Variants in PLCB1 observed in about 807,000 individuals in gnomAD.
The protein encoded by PLCB1 is phospholipase C beta 1.
In PLCB1, 46 loss-of-function variants were observed where a neutral mutation model predicts 161.8. That is an observed-to-expected ratio of 0.28 (90% CI 0.22 to 0.36). The LOEUF (loss-of-function observed/expected upper bound fraction) is 0.36. PLCB1 is among the 10% of genes least tolerant of loss of function. The pLI is 1.00. For missense variants in PLCB1, 1,016 were observed against 1,472.5 expected (o/e 0.69, Z 5.07); for synonymous variants, 517 against 503.7 (o/e 1.03, Z -0.35).
chr20:8,544,254 CAGA>C (rs1317561516), intron 3 of PLCB1, among the ~76,000 whole-genome samples: 7 of 152,114 alleles, frequency 4.6e-5, no homozygotes, highest in East Asian at 1.9e-4. Flanking sequence ...CTCTCTAAGC[CAGA>C]AGAATAGTGG....
intron 31 of PLCB1, among the ~76,000 whole-genome samples, chr20:8,790,958 T>C (rs1442914286): frequency 6.6e-6 from 1 of 152,196 alleles, no homozygotes; most frequent in Non-Finnish European, 1.5e-5. Flanking sequence ...TTTTCAATTT[T>C]CCTGCGCTTC....
At chr20:8,546,332 A>G (rs1393642116) in intron 3 of PLCB1, among the ~76,000 whole-genome samples, 2 of 150,928 alleles carry the variant, frequency 1.3e-5, no homozygotes, top group African/African-American at 4.9e-5. Flanking sequence ...AAAAAAAAAA[A>G]AAAAAAGAAA....
chr20:8,133,101 C>T (rs1258275942), intron 1 of PLCB1, among the ~76,000 whole-genome samples: 1 of 152,112 alleles, frequency 6.6e-6, no homozygotes, highest in Non-Finnish European at 1.5e-5. Flanking sequence ...AACTGGAAAG[C>T]GCCTGGTGTG....
At chr20:8,294,806 C>T (rs6039128) in intron 2 of PLCB1, among the ~76,000 whole-genome samples, 1 of 151,720 alleles carries the variant, frequency 6.6e-6, no homozygotes, top group Non-Finnish European at 1.5e-5. Context: ...TGCCAAAAGC[C>T]TAGCACAAGT....
intron 2 of PLCB1, among the ~76,000 whole-genome samples, chr20:8,255,774 A>C (rs1246938583): frequency 6.6e-6 from 1 of 152,036 alleles, no homozygotes; most frequent in Non-Finnish European, 1.5e-5. Flanking sequence ...TAAATTGTCG[A>C]TATTCAAAAG....
chr20:8,365,085 G>T (rs927084459), intron 2 of PLCB1, among the ~76,000 whole-genome samples: 1 of 152,056 alleles, frequency 6.6e-6, no homozygotes, highest in Non-Finnish European at 1.5e-5. Context: ...TTCAGTACTC[G>T]CTGCTTGCTA....
intron 31 of PLCB1, among the ~76,000 whole-genome samples, chr20:8,830,254 A>G (rs1985918300): frequency 6.6e-6 from 1 of 152,230 alleles, no homozygotes. Context: ...AAAGAAGTCC[A>G]TTCCAATGAA....
intron 2 of PLCB1, among the ~76,000 whole-genome samples, chr20:8,346,191 A>T (rs1985995450): frequency 6.6e-6 from 1 of 152,218 alleles, no homozygotes; most frequent in Non-Finnish European, 1.5e-5. Flanking sequence ...TGACTAAACT[A>T]ATTTCAACCT....
At chr20:8,512,159 A>G (rs937764014) in intron 3 of PLCB1, among the ~76,000 whole-genome samples, 1 of 152,216 alleles carries the variant, frequency 6.6e-6, no homozygotes, top group African/African-American at 2.4e-5. Context: ...CATTAAAACA[A>G]TGATGTAGTT....
chr20:8,657,241 A>C lies in PLCB1; in HGVS notation c.652A>C (p.Asn218His). 6.2e-7 allele frequency: 1 copy of C among 1,610,248 alleles called. No individual in the cohort carries two copies. The part of the protein sequence containing the change: ...TPEVYRVFLN[N>H]LCPRPEIDNI... Reference sequence around the variant, plus strand: ...AGAAGTGTACAGAGTTTTCCTCAACAACCTTTGCCCTCGACCTGAAATTGA... The same window carrying C: ...AGAAGTGTACAGAGTTTTCCTCAACCACCTTTGCCCTCGACCTGAAATTGA... Residue 218 changes from asparagine to histidine, a missense_variant, in exon 8 of 32, where the codon AAC becomes CAC. By Grantham distance (68) the Asn-to-His change is moderately conservative (BLOSUM62 1). Transcript: ENST00000338037.
At chr20:8,702,825 C>T (rs1012324926) in intron 11 of PLCB1, among the ~76,000 whole-genome samples, 2 of 152,190 alleles carry the variant, frequency 1.3e-5, no homozygotes, top group African/African-American at 4.8e-5. Flanking sequence ...TAACTGATCA[C>T]GCACACCATA....
intron 3 of PLCB1, among the ~76,000 whole-genome samples, chr20:8,528,216 A>G (rs1315942719): frequency 6.6e-6 from 1 of 152,076 alleles, no homozygotes; most frequent in Non-Finnish European, 1.5e-5. Context: ...GTAAATGAAG[A>G]CATATGAATC....
intron 3 of PLCB1, among the ~76,000 whole-genome samples, chr20:8,549,961 T>G (rs1600146379): frequency 6.6e-6 from 1 of 152,302 alleles, no homozygotes; most frequent in East Asian, 1.9e-4. Context: ...TCTGCCATGA[T>G]TGTAAGTTTC....
At chr20:8,502,066 A>C (rs1344111141) in intron 3 of PLCB1, among the ~76,000 whole-genome samples, 1 of 151,648 alleles carries the variant, frequency 6.6e-6, no homozygotes, top group Admixed American at 6.6e-5. Context: ...TCATTTGTTA[A>C]ATGTAATTAA....
chr20:8,349,027 T>C (rs1028801321), intron 2 of PLCB1, among the ~76,000 whole-genome samples: 3 of 152,118 alleles, frequency 2.0e-5, no homozygotes, highest in Non-Finnish European at 4.4e-5. Flanking sequence ...CACATACATA[T>C]ATATACACAC....
chr20:8,856,029 C>T lies in PLCB1; in HGVS notation c.3424-25593C>T, dbSNP rs943855386. Among the ~76,000 whole-genome samples, 7 of 152,172 alleles carry T rather than the reference C, an allele frequency of 4.6e-5. No individual in the cohort carries two copies. In the East Asian group the frequency reaches 1.2e-3, roughly 25 times the overall value. On this transcript the variant is annotated intron_variant, in intron 31 of 31. Coordinates refer to ENST00000338037, the MANE Select transcript of PLCB1 (RefSeq NM_015192.4). Reference sequence around the variant, plus strand: ...TTATAATATAATACACACCCATATACACCACAAAAACTACAATACTGGTTT... The same window carrying T: ...TTATAATATAATACACACCCATATATACCACAAAAACTACAATACTGGTTT...
chr20:8,709,822 A>C (rs1318639850), intron 12 of PLCB1, among the ~76,000 whole-genome samples: 2 of 152,196 alleles, frequency 1.3e-5, no homozygotes, highest in Admixed American at 1.3e-4. Context: ...GAATGATGTA[A>C]TCCTTTGGCA....
intron 2 of PLCB1, among the ~76,000 whole-genome samples, chr20:8,316,614 T>C (rs1370392850): frequency 6.6e-6 from 1 of 152,166 alleles, no homozygotes; most frequent in Non-Finnish European, 1.5e-5. Flanking sequence ...TCCATAGTTA[T>C]TAATCCCAGA....
intron 4 of PLCB1, among the ~76,000 whole-genome samples, chr20:8,633,380 C>T (rs986406): frequency 0.74 from 112,582 of 152,038 alleles, 42,069 homozygotes; most frequent in African/African-American, 0.82. Context: ...AAATACTCAA[C>T]TGGGTGATTT....
Sources: allele counts gnomAD v4.1 joint callset (sites outside exome capture counted in the v4.1 genomes callset), GRCh38; gene constraint gnomAD v4.1.1; transcripts MANE v1.5; gene names NCBI Gene and HGNC (gene_info 2026-07-23, HGNC 2026-07-21).